DNAH14: variants seen among roughly 807,000 people sequenced by gnomAD.
DNAH14 encodes axonemal beta dynein heavy chain 14.
Under a neutral mutation model 520.9 loss-of-function variants are expected in DNAH14, and 478 were observed. The ratio of observed to expected loss-of-function variants is 0.92; its 90% CI spans 0.85 to 0.99. The LOEUF (loss-of-function observed/expected upper bound fraction) is 0.99. DNAH14 is among the 50% of genes least tolerant of loss of function. The probability of loss-of-function intolerance (pLI) is 0.00; values close to 1 mark genes in which losing one functional copy is unlikely to be tolerated. For synonymous variants in DNAH14, 1,581 were observed against 1,757.2 expected (o/e 0.90, Z 2.51); for missense variants, 4,831 against 5,234.5 (o/e 0.92, Z 2.38).
Position 224,974,148 on chromosome 1 carries a change from G to T in DNAH14, c.825G>T (p.Lys275Asn). ...KLNVKRIKTE[K>N]SRSFLYHHLF... is the part of the protein sequence containing the mutation. ...ATGTTAAAAGAATTAAGACAGAGAA[G>T]AGCAGGTAAGTTTTGATACGCAATA... Residue 275 changes from lysine to asparagine, a missense_variant, in exon 8 of 86, where the codon AAG (lysine) becomes AAT (asparagine). Lys to Asn is a moderately conservative substitution (Grantham distance 94). Transcript: ENST00000682510. 6.8e-7 allele frequency: 1 copy of T among 1,478,996 alleles called. No individual in the cohort carries two copies. The highest frequency in any genetic ancestry group is 1.4e-5 in the South Asian group (1 of 70,398). The allele number at this position is 1,478,996 out of a possible 1,614,324, so 91.6% of individuals were successfully genotyped here.
At position 225,051,711 on chromosome 1, in the gene DNAH14, C is replaced by A. The variant is rs1486149985; in HGVS notation, c.2340C>A (p.Cys780Ter). ...NVVSLDYQSE[C>*]LLYIDNVIHM... Reference sequence around the variant, plus strand: ...TAAGTCTTGATTATCAATCAGAATGCTTACTGTATATTGACAACGTCATAC... The same window carrying A: ...TAAGTCTTGATTATCAATCAGAATGATTACTGTATATTGACAACGTCATAC... The change falls in exon 17 of 86, where the codon TGC (cysteine) becomes TGA (stop). Residue 780 changes from cysteine to a stop codon, truncating the protein, a stop_gained. Transcript: ENST00000682510. LOFTEE classifies it high-confidence loss of function. 2 of 1,550,930 alleles carry A rather than the reference C, an allele frequency of 1.3e-6. No homozygotes were observed. The highest frequency in any genetic ancestry group is 4.9e-5 in the East Asian group (2 of 40,788).
At chr1:225,274,180 C>A (rs1452675505) in intron 52 of DNAH14, among the ~76,000 whole-genome samples, 1 of 150,200 alleles carries the variant, frequency 6.7e-6, no homozygotes, top group Admixed American at 6.6e-5. Context: ...TTCTCTGCAT[C>A]CTCACCAGCA....
chr1:225,117,822 A>G (rs1240910243), intron 24 of DNAH14, 34 bp downstream of exon 24: 3 of 1,519,104 alleles, frequency 2.0e-6, no homozygotes, highest in African/African-American at 2.8e-5. Context: ...GCAATATTAT[A>G]TTAGCGATAT....
intron 73 of DNAH14, chr1:225,358,002 C>G: frequency 1.8e-6 from 1 of 554,488 alleles, no homozygotes; most frequent in Non-Finnish European, 3.2e-6. Flanking sequence ...GTCCATCTAG[C>G]ATTCTTTTCA....
chr1:225,398,030 G>C (rs1055057652), intron 84 of DNAH14: 2 of 121,094 alleles, frequency 1.7e-5, no homozygotes, highest in Non-Finnish European at 3.2e-5. Context: ...CTAGGCAACA[G>C]AGCGAGACCC....
intron 54 of DNAH14, among the ~76,000 whole-genome samples, chr1:225,287,971 A>G (rs1427652436): frequency 2.0e-5 from 3 of 152,174 alleles, no homozygotes; most frequent in Non-Finnish European, 4.4e-5. Context: ...ATATAAATAA[A>G]TGACTAAATA....
intron 55 of DNAH14, among the ~76,000 whole-genome samples, chr1:225,293,788 T>A (rs1050448234): frequency 6.6e-6 from 1 of 152,098 alleles, no homozygotes; most frequent in East Asian, 1.9e-4. Context: ...ATGTAAAAAA[T>A]TTGCACTTGT....
chr1:225,011,157 C>A (rs1302286723), intron 10 of DNAH14, among the ~76,000 whole-genome samples: 2 of 152,006 alleles, frequency 1.3e-5, no homozygotes, highest in Non-Finnish European at 2.9e-5. Flanking sequence ...AACTTGTTTG[C>A]TCTTGCTTCT....
At chr1:225,169,308 C>T (rs959009825) in intron 36 of DNAH14, among the ~76,000 whole-genome samples, 11 of 152,270 alleles carry the variant, frequency 7.2e-5, no homozygotes, top group Admixed American at 4.6e-4. Flanking sequence ...ATGACTTTGA[C>T]GAGTTGAGAG....
chr1:225,213,986 A>C (rs949644666), intron 41 of DNAH14, among the ~76,000 whole-genome samples: 1 of 152,150 alleles, frequency 6.6e-6, no homozygotes. Flanking sequence ...GTCTTGTGCC[A>C]GTTTTCAAAG....
chr1:225,357,907 G>A, intron 73 of DNAH14: 1 of 695,800 alleles, frequency 1.4e-6, no homozygotes, highest in Non-Finnish European at 2.6e-6. Flanking sequence ...TATGGGAAAG[G>A]TCTTTCCTCT....
At chr1:224,964,752 G>A (rs1365467094) in intron 5 of DNAH14, 143 bp downstream of exon 5, 7 of 757,506 alleles carry the variant, frequency 9.2e-6, no homozygotes, top group Non-Finnish European at 1.4e-5. Context: ...AAATGCAAAA[G>A]TATTTGACAT....
intron 23 of DNAH14, among the ~76,000 whole-genome samples, chr1:225,104,684 T>C (rs1453790426): frequency 2.0e-5 from 3 of 152,328 alleles, no homozygotes; most frequent in South Asian, 4.1e-4. Flanking sequence ...GAGGTGTTGA[T>C]AGTATTCTCT....
intron 71 of DNAH14, 141 bp from the exon 72 acceptor site, chr1:225,351,506 A>C: frequency 2.2e-6 from 1 of 445,250 alleles, no homozygotes; most frequent in Non-Finnish European, 3.8e-6. Flanking sequence ...TTTTATGTAA[A>C]ATATATTTTT....
At chr1:225,396,860 G>A (rs906042895) in intron 84 of DNAH14, 1 of 152,230 alleles carries the variant, frequency 6.6e-6, no homozygotes, top group African/African-American at 2.4e-5. Flanking sequence ...ATAAATGGAA[G>A]TGACATTGTC....
At chr1:224,982,827 A>G (rs2062369162) in intron 8 of DNAH14, among the ~76,000 whole-genome samples, 1 of 152,056 alleles carries the variant, frequency 6.6e-6, no homozygotes, top group Non-Finnish European at 1.5e-5. Context: ...GGTTGATACA[A>G]TTTCAGTTTT....
intron 17 of DNAH14, among the ~76,000 whole-genome samples, chr1:225,057,748 A>T (rs1302952494): frequency 1.3e-5 from 2 of 152,120 alleles, no homozygotes; most frequent in Admixed American, 6.5e-5. Flanking sequence ...AGGGTTGTTG[A>T]ATTTTGTCAA....
In DNAH14 at chr1:225,340,665, G is replaced by T. The variant is rs1312689607; in HGVS notation, c.10642G>T (p.Glu3548Ter). ...TGATGCCATAACTCTTGAAGAACTA[G>T]AGGAAAAAACATTAAATTTACTGCA... is the stretch of plus-strand genomic sequence containing the variant. ...SLDAITLEEL[E>*]EKTLNLLQKA... The change falls in exon 69 of 86, where the codon GAG (glutamate) becomes TAG (stop). Residue 3548 changes from glutamate to a stop codon, truncating the protein, a stop_gained. Transcript: ENST00000682510. LOFTEE classifies it high-confidence loss of function. 1.3e-6 allele frequency: 2 copies of T among 1,551,242 alleles called. No individual in the cohort carries two copies. Among genetic ancestry groups the T allele is most frequent in the Non-Finnish European group, 1.7e-6 (2 of 1,146,790 alleles).
At chr1:225,214,418 C>T (rs1277081576) in intron 41 of DNAH14, among the ~76,000 whole-genome samples, 1 of 152,174 alleles carries the variant, frequency 6.6e-6, no homozygotes, top group African/African-American at 2.4e-5. Context: ...TGATGCTGGC[C>T]TCATAAAATG....
Sources: gnomAD v4.1 joint callset for allele counts (sites outside exome capture counted in the v4.1 genomes callset) on GRCh38, gnomAD v4.1.1 for gene constraint, MANE v1.5 for transcripts, NCBI Gene and HGNC (gene_info 2026-07-23, HGNC 2026-07-21) for gene names.